The following FSHR variants were observed in gnomAD, a reference collection of about 807,000 sequenced individuals.
The protein encoded by FSHR is follicle stimulating hormone receptor.
FSHR carries 46 observed loss-of-function variants against 52.1 expected under a neutral mutation model. The ratio of observed to expected loss-of-function variants is 0.88; its 90% CI spans 0.70 to 1.13. The LOEUF is 1.13. Among genes scored for constraint, FSHR ranks in the 50% most tolerant of loss-of-function variants. The pLI, the probability that FSHR is intolerant of heterozygous loss-of-function variation, is 0.00. For synonymous variants in FSHR, 399 were observed against 309.6 expected, an observed-to-expected ratio of 1.29 and a Z score of -3.03; for missense variants, 964 against 834.6, an observed-to-expected ratio of 1.16 and a Z score of -1.91.
chr2:49,082,530 A>C (rs985339134), intron 1 of FSHR, among the ~76,000 whole-genome samples: 3 of 152,236 alleles, frequency 2.0e-5, no homozygotes, highest in African/African-American at 7.2e-5. Context: ...AGAATGCTTC[A>C]GACGATCAAA....
At chr2:49,054,114 G>C (rs1323716501) in intron 2 of FSHR, among the ~76,000 whole-genome samples, 1 of 152,110 alleles carries the variant, frequency 6.6e-6, no homozygotes, top group Non-Finnish European at 1.5e-5. Flanking sequence ...TGTTACCTTG[G>C]ACAGAGAATT....
intron 2 of FSHR, among the ~76,000 whole-genome samples, chr2:49,049,851 A>ATATATATATATATATATATATATATATAT (rs1668791622): frequency 4.2e-5 from 6 of 143,786 alleles, no homozygotes; most frequent in African/African-American, 1.3e-4. Flanking sequence ...ATATATATAT[A>ATATATATATATATATATATATATATATAT]ATAAAAACCA....
At chr2:49,017,618 AT>A in intron 3 of FSHR, 55 bp from the exon 4 acceptor site, 1 of 1,278,762 alleles carries the variant, frequency 7.8e-7, no homozygotes, top group Non-Finnish European at 1.1e-6. Flanking sequence ...ATGCTGTAGT[AT>A]TTTTCACATT....
intron 1 of FSHR, among the ~76,000 whole-genome samples, chr2:49,085,132 A>C (rs1483590718): frequency 1.3e-5 from 2 of 151,838 alleles, no homozygotes. Flanking sequence ...CAGCACATCA[A>C]AAAGCTTATC....
chr2:49,007,612 T>C (rs1403937980), intron 4 of FSHR, among the ~76,000 whole-genome samples: 5 of 152,140 alleles, frequency 3.3e-5, no homozygotes, highest in Non-Finnish European at 7.4e-5. Flanking sequence ...AGGCTCCTTT[T>C]GTCTTTTGAG....
intron 6 of FSHR, among the ~76,000 whole-genome samples, chr2:48,987,311 C>T (rs1675555421): frequency 6.6e-6 from 1 of 152,090 alleles, no homozygotes; most frequent in African/African-American, 2.4e-5. Flanking sequence ...TCAAGCGATT[C>T]CCCTGCCTCA....
chr2:49,140,839 G>A (rs540457131), intron 1 of FSHR, among the ~76,000 whole-genome samples: 1 of 151,988 alleles, frequency 6.6e-6, no homozygotes, highest in Non-Finnish European at 1.5e-5. Context: ...TATCATCAAG[G>A]TTCATCTAAT....
intron 2 of FSHR, among the ~76,000 whole-genome samples, chr2:49,040,404 T>C (rs1044422500): frequency 2.0e-5 from 3 of 152,140 alleles, no homozygotes; most frequent in Non-Finnish European, 4.4e-5. Flanking sequence ...TCATCTTAAT[T>C]TCTATATAAG....
At chr2:49,036,357 ATTTAT>A (rs1189442798) in intron 2 of FSHR, among the ~76,000 whole-genome samples, 1 of 151,806 alleles carries the variant, frequency 6.6e-6, no homozygotes, top group East Asian at 1.9e-4. Flanking sequence ...TTTTATGTTC[ATTTAT>A]TTTATTTACT....
chr2:49,083,367 A>T (rs1312632266), intron 1 of FSHR, among the ~76,000 whole-genome samples: 1 of 151,726 alleles, frequency 6.6e-6, no homozygotes, highest in Non-Finnish European at 1.5e-5. Context: ...GAAAGGAACA[A>T]CCGGTACCAG....
intron 4 of FSHR, among the ~76,000 whole-genome samples, chr2:48,998,901 C>G (rs1268415391): frequency 1.3e-5 from 2 of 152,024 alleles, no homozygotes; most frequent in Admixed American, 6.6e-5. Flanking sequence ...GCATATTATT[C>G]ATCTTGATTT....
intron 4 of FSHR, among the ~76,000 whole-genome samples, chr2:48,993,071 T>C (rs1288564118): frequency 6.6e-6 from 1 of 152,312 alleles, no homozygotes; most frequent in East Asian, 1.9e-4. Context: ...TACTCCTTTT[T>C]AGCATTCTTT....
chr2:49,073,911 C>G (rs1472535067), intron 1 of FSHR, among the ~76,000 whole-genome samples: 1 of 151,958 alleles, frequency 6.6e-6, no homozygotes, highest in East Asian at 1.9e-4. Flanking sequence ...TAATTTTTGA[C>G]AAAGGTGTCA....
chr2:49,084,424 C>G (rs1474703550), intron 1 of FSHR, among the ~76,000 whole-genome samples: 2 of 152,082 alleles, frequency 1.3e-5, no homozygotes, highest in Non-Finnish European at 2.9e-5. Flanking sequence ...CCTAACATCA[C>G]AATTAAAGGA....
chr2:49,086,053 T>G (rs569850694), intron 1 of FSHR, among the ~76,000 whole-genome samples: 1 of 152,214 alleles, frequency 6.6e-6, no homozygotes, highest in African/African-American at 2.4e-5. Context: ...ACATGGCACA[T>G]GTATACATAT....
At chr2:49,084,121 A>AG (rs1406954064) in intron 1 of FSHR, among the ~76,000 whole-genome samples, 19 of 152,214 alleles carry the variant, frequency 1.2e-4, no homozygotes, top group African/African-American at 4.1e-4. Context: ...CAAATGTAGA[A>AG]GAACAGAAAT....
chr2:49,145,765 C>T (rs984842941), intron 1 of FSHR, among the ~76,000 whole-genome samples: 1 of 151,942 alleles, frequency 6.6e-6, no homozygotes, highest in Non-Finnish European at 1.5e-5. Flanking sequence ...GTTTTCTCTC[C>T]AGTGCCTAAT....
At chr2:49,008,572 T>G (rs1437461683) in intron 4 of FSHR, among the ~76,000 whole-genome samples, 27 of 150,846 alleles carry the variant, frequency 1.8e-4, no homozygotes, top group African/African-American at 6.6e-4. Flanking sequence ...AAATGGTATT[T>G]CCAGTTCTAG....
chr2:49,015,802 T>C (rs1667468687), intron 4 of FSHR, among the ~76,000 whole-genome samples: 1 of 152,074 alleles, frequency 6.6e-6, no homozygotes, highest in South Asian at 2.1e-4. Context: ...GCTGTGTAAA[T>C]AAAAATGCAG....
Sources: allele counts gnomAD v4.1 joint callset (sites outside exome capture counted in the v4.1 genomes callset), GRCh38; gene constraint gnomAD v4.1.1; transcripts MANE v1.5; gene names NCBI Gene and HGNC (gene_info 2026-07-23, HGNC 2026-07-21).